MINDY4B: variants seen among roughly 807,000 people sequenced by gnomAD.
MINDY4B encodes inactive ubiquitin carboxyl-terminal hydrolase MINDY-4B.
Under a neutral mutation model 16.7 loss-of-function variants are expected in MINDY4B, and 25 were observed. The observed-to-expected ratio is 1.49, with a 90% confidence interval of 1.09 to 2.09. The LOEUF is 2.09. Ranked by LOEUF, MINDY4B falls within the 30% of genes most tolerant of loss-of-function variation. The probability of loss-of-function intolerance (pLI) is 0.00; values close to 1 mark genes in which losing one functional copy is unlikely to be tolerated. For synonymous variants in MINDY4B, 132 were observed against 61.9 expected, an observed-to-expected ratio of 2.13 and a Z score of -5.32; for missense variants, 327 against 168.4, an observed-to-expected ratio of 1.94 and a Z score of -5.21.
At chr3:150,889,254 G>A (rs1474390339) in intron 7 of MINDY4B, among the ~76,000 whole-genome samples, 1 of 152,234 alleles carries the variant, frequency 6.6e-6, no homozygotes, top group Non-Finnish European at 1.5e-5. Flanking sequence ...CTAGCAACGC[G>A]AGAGAAGAAT....
At chr3:150,894,820 G>A (rs1711917011) in intron 3 of MINDY4B, among the ~76,000 whole-genome samples, 1 of 152,112 alleles carries the variant, frequency 6.6e-6, no homozygotes, top group Non-Finnish European at 1.5e-5. Flanking sequence ...TGAAAAAAAG[G>A]GAATCTATTC....
At chr3:150,902,551 C>T (rs1712141540) in intron 3 of MINDY4B, among the ~76,000 whole-genome samples, 1 of 152,214 alleles carries the variant, frequency 6.6e-6, no homozygotes, top group Admixed American at 6.5e-5. Flanking sequence ...ACCATGACAG[C>T]TGGTCCTTTG....
intron 10 of MINDY4B, among the ~76,000 whole-genome samples, chr3:150,878,931 G>GA (rs1711501303): frequency 6.6e-6 from 1 of 152,130 alleles, no homozygotes; most frequent in African/African-American, 2.4e-5. Context: ...ATGTGATCCA[G>GA]AAAAAACAGC....
chr3:150,888,004 G>A (rs1711672070), intron 7 of MINDY4B, among the ~76,000 whole-genome samples: 1 of 152,182 alleles, frequency 6.6e-6, no homozygotes, highest in Admixed American at 6.5e-5. Flanking sequence ...GCTACTCGGA[G>A]GCTGAGGCAG....
intron 11 of MINDY4B, among the ~76,000 whole-genome samples, chr3:150,872,484 G>A (rs1335351841): frequency 6.6e-6 from 1 of 152,182 alleles, no homozygotes; most frequent in East Asian, 1.9e-4. Flanking sequence ...CCTCGTCCGG[G>A]GGTCAATGTT....
chr3:150,886,896 G>C (rs1001726143), intron 7 of MINDY4B, among the ~76,000 whole-genome samples: 2 of 152,108 alleles, frequency 1.3e-5, no homozygotes, highest in Non-Finnish European at 2.9e-5. Flanking sequence ...CAATCAGTTA[G>C]GTAACATAAC....
intron 3 of MINDY4B, among the ~76,000 whole-genome samples, chr3:150,902,077 G>T (rs1712130592): frequency 6.6e-6 from 1 of 152,198 alleles, no homozygotes; most frequent in Admixed American, 6.5e-5. Context: ...CGGAAACTCT[G>T]TGTTAGGCTT....
intron 10 of MINDY4B, among the ~76,000 whole-genome samples, chr3:150,880,742 T>G (rs1323719833): frequency 2.0e-5 from 3 of 152,210 alleles, no homozygotes; most frequent in Non-Finnish European, 4.4e-5. Context: ...CTAAAATCAT[T>G]ATTGCATTTT....
In MINDY4B at chr3:150,870,435, G is replaced by A. The variant is rs1167749333; in HGVS notation, c.*610C>T. 6.6e-6 allele frequency among the ~76,000 whole-genome samples: 1 copy of A among 152,198 alleles called. No homozygotes were observed. Among genetic ancestry groups the A allele is most frequent in the Non-Finnish European group, 1.5e-5 (1 of 68,038 alleles). On this transcript the variant is annotated 3_prime_UTR_variant, in exon 12 of 12. Coordinates refer to ENST00000465419, the MANE Select transcript of MINDY4B (RefSeq NM_001351281.2). ...CAAACATACTGCTAATAAAAAGAAT[G>A]TCTCCTTGTGGCTACTGAAACCCAC...
intron 10 of MINDY4B, among the ~76,000 whole-genome samples, chr3:150,874,006 T>A (rs1240766657): frequency 2.3e-5 from 1 of 43,272 alleles, no homozygotes; most frequent in East Asian, 1.3e-3. Flanking sequence ...TTAGCCTTGA[T>A]TTTTTTTTTT....
intron 8 of MINDY4B, among the ~76,000 whole-genome samples, chr3:150,884,086 C>T (rs1332244153): frequency 6.6e-6 from 1 of 152,202 alleles, no homozygotes; most frequent in Non-Finnish European, 1.5e-5. Flanking sequence ...ACAAGGAATG[C>T]ACTTGGCTCA....
chr3:150,893,353 G>T lies in MINDY4B; in HGVS notation c.492C>A (p.Thr164=), dbSNP rs1327070731. 5 of 702,682 alleles carry T rather than the reference G, an allele frequency of 7.1e-6. No homozygotes were observed. In the East Asian group the frequency reaches 1.3e-4, roughly 19 times the overall value. The allele number at this position is 702,682 out of a possible 1,614,324, so 43.5% of individuals were successfully genotyped here. The change falls in exon 5 of 12, where the codon ACC becomes ACA. Residue 164 remains threonine, a synonymous_variant. Coordinates refer to ENST00000465419, the MANE Select transcript of MINDY4B (RefSeq NM_001351281.2). Reference sequence around the variant, plus strand: ...CAAGGTTACAGTCTTTTCCTTTCCTGGTAAACAACAAGTATTTGATGATGG... The same window carrying T: ...CAAGGTTACAGTCTTTTCCTTTCCTTGTAAACAACAAGTATTTGATGATGG... ...QGSIIKYLLF[T]RKGKDCNLGN...
chr3:150,871,214 A>G (rs1159807164), intron 11 of MINDY4B, 27 bp from the exon 12 acceptor site: 1 of 699,822 alleles, frequency 1.4e-6, no homozygotes, highest in Admixed American at 2.0e-5. Context: ...CAGCATTTAG[A>G]CCCAAGCCTA....
Position 150,885,445 on chromosome 3 carries a change from G to GGAAGA in MINDY4B, c.754-8_754-7insTCTTC, listed in dbSNP as rs1711596827. On this transcript the variant is annotated splice_polypyrimidine_tract_variant and splice_region_variant and intron_variant, in intron 7 of 11. Coordinates refer to ENST00000465419, the MANE Select transcript of MINDY4B (RefSeq NM_001351281.2). The stretch of plus-strand genomic sequence containing the variant: ...GGCTTCCTTCCCCTCTGAACTGTTC[G>GGAAGA]GAAAAGAAAAGAAAAGCATGTTGGT... 1 of 640,454 alleles carries GGAAGA rather than the reference G, an allele frequency of 1.6e-6. No homozygotes were observed. Among genetic ancestry groups the GGAAGA allele is most frequent in the Admixed American group, 2.3e-5 (1 of 44,204 alleles). The allele number at this position is 640,454 out of a possible 1,614,324, so 39.7% of individuals were successfully genotyped here. A position where few individuals can be genotyped will look rare whatever the true frequency, so the allele number is the denominator to read the frequency against.
In MINDY4B at chr3:150,892,178, T is replaced by C. The variant is rs1278066917; in HGVS notation, c.522-1075A>G. On this transcript the variant is annotated intron_variant, in intron 5 of 11. Transcript: ENST00000465419. ...CTCCCTAAGGATGGCCCACAGCCAGTGCCTCATTGGAGCAAGAGGTACAGA... is the reference window on the plus strand; with the variant it reads ...CTCCCTAAGGATGGCCCACAGCCAGCGCCTCATTGGAGCAAGAGGTACAGA... Among the ~76,000 whole-genome samples, 3 of 152,220 alleles carry C rather than the reference T, an allele frequency of 2.0e-5. No homozygotes were observed. The East Asian group carries it at 5.8e-4, about 29-fold the overall frequency.
chr3:150,870,430 A>G lies in MINDY4B; in HGVS notation c.*615T>C, dbSNP rs2107891240. 6.6e-6 allele frequency among the ~76,000 whole-genome samples: 1 copy of G among 152,384 alleles called. No individual in the cohort carries two copies. Among genetic ancestry groups the G allele is most frequent in the African/African-American group, 2.4e-5 (1 of 41,594 alleles). Reference sequence around the variant, plus strand: ...AGAAACAAACATACTGCTAATAAAAAGAATGTCTCCTTGTGGCTACTGAAA... The same window carrying G: ...AGAAACAAACATACTGCTAATAAAAGGAATGTCTCCTTGTGGCTACTGAAA... On this transcript the variant is annotated 3_prime_UTR_variant, in exon 12 of 12. Coordinates refer to ENST00000465419, the MANE Select transcript of MINDY4B (RefSeq NM_001351281.2).
chr3:150,872,426 T>C (rs1716991702), intron 11 of MINDY4B, among the ~76,000 whole-genome samples: 1 of 152,238 alleles, frequency 6.6e-6, no homozygotes, highest in African/African-American at 2.4e-5. Flanking sequence ...GCTCCATAAA[T>C]ACAGCTAAGG....
intron 10 of MINDY4B, among the ~76,000 whole-genome samples, chr3:150,877,030 CATCTA>C (rs1313992778): frequency 1.6e-4 from 23 of 145,040 alleles, no homozygotes; most frequent in Non-Finnish European, 2.6e-4. Flanking sequence ...CTTGTCATGT[CATCTA>C]ATGAGAATAC....
At chr3:150,900,310 T>G (rs1421862141) in intron 3 of MINDY4B, among the ~76,000 whole-genome samples, 1 of 152,112 alleles carries the variant, frequency 6.6e-6, no homozygotes, top group East Asian at 1.9e-4. Context: ...CAGAGAAGAT[T>G]CCCAGCAAAG....
Sources: allele counts gnomAD v4.1 joint callset (sites outside exome capture counted in the v4.1 genomes callset), GRCh38; gene constraint gnomAD v4.1.1; transcripts MANE v1.5; gene names NCBI Gene and HGNC (gene_info 2026-07-23, HGNC 2026-07-21).